The following FGFR1 variants were observed in gnomAD, a reference collection of about 807,000 sequenced individuals.
FGFR1 encodes the protein fibroblast growth factor receptor 1.
Under a neutral mutation model 93.7 loss-of-function variants are expected in FGFR1, and 18 were observed. The ratio of observed to expected loss-of-function variants is 0.19; its 90% CI spans 0.13 to 0.28. FGFR1 has a LOEUF of 0.28. Among genes scored for constraint, FGFR1 ranks in the 10% least tolerant of loss-of-function variants. The probability of loss-of-function intolerance (pLI) is 1.00; values close to 1 mark genes in which losing one functional copy is unlikely to be tolerated. For synonymous variants in FGFR1, 448 were observed against 429.3 expected (o/e 1.04, Z -0.54); for missense variants, 731 against 1,080.4 (o/e 0.68, Z 4.53).
At position 38,429,071 on chromosome 8, in the gene FGFR1, T is replaced by C. The variant is rs1031668110; in HGVS notation, c.358+611A>G. ...TTTCTCCAGTCCTTCCTATCACCTT[T>C]GGGGATCTGCTGCCAAGTCCACACC... On this transcript the variant is annotated intron_variant, in intron 3 of 17. Transcript: ENST00000447712. The surrounding 1 kb of genome is among the most constrained non-coding windows in gnomAD (Gnocchi z 4.4). The C allele has an allele frequency of 3.4e-5, 12 of 352,030 alleles. No individual in the cohort carries two copies. Among genetic ancestry groups the C allele is most frequent in the Non-Finnish European group, 4.5e-5 (8 of 178,216 alleles). The allele number at this position is 352,030 out of a possible 1,614,324, so 21.8% of individuals were successfully genotyped here.
chr8:38,466,906 A>G (rs200481141), intron 1 of FGFR1, among the ~76,000 whole-genome samples: 3 of 93,832 alleles, frequency 3.2e-5, no homozygotes, highest in East Asian at 7.0e-4. Flanking sequence ...CCCCCCCCCC[A>G]CCACCACCAA....
At chr8:38,462,480 G>T (rs1834621190) in intron 1 of FGFR1, among the ~76,000 whole-genome samples, 1 of 151,650 alleles carries the variant, frequency 6.6e-6, no homozygotes, top group African/African-American at 2.4e-5. Context: ...CTCCAGCCTG[G>T]CAACAAAGTG....
chr8:38,414,156 C>T lies in FGFR1; in HGVS notation c.2182G>A (p.Glu728Lys), dbSNP rs759382055. 7 of 1,614,076 alleles carry T rather than the reference C, an allele frequency of 4.3e-6. No individual in the cohort carries two copies. The highest frequency in any genetic ancestry group is 1.3e-5 in the African/African-American group (1 of 74,930). The change falls in exon 16 of 18, where the codon GAG (glutamate) becomes AAG (lysine). Residue 728 changes from glutamate (E) to lysine (K), a missense_variant. Coordinates refer to ENST00000447712, the MANE Select transcript of FGFR1 (RefSeq NM_023110.3). ...RMDKPSNCTNELYMMMRDCWH... is the reference protein window; with the variant it reads ...RMDKPSNCTNKLYMMMRDCWH... Reference sequence around the variant, plus strand: ...CCGACATCTCCTCGGGCTTACAGCTCGTTGGTGCAGTTACTGGGCTTGTCC... The same window carrying T: ...CCGACATCTCCTCGGGCTTACAGCTTGTTGGTGCAGTTACTGGGCTTGTCC...
chr8:38,433,921 C>G (rs1003675955), intron 2 of FGFR1, among the ~76,000 whole-genome samples: 1 of 152,180 alleles, frequency 6.6e-6, no homozygotes, highest in Non-Finnish European at 1.5e-5. Context: ...AGTAGTCACT[C>G]CTCCATCCCC....
chr8:38,422,353 C>A, intron 7 of FGFR1: 1 of 420,132 alleles, frequency 2.4e-6, no homozygotes, highest in Non-Finnish European at 4.5e-6. Context: ...TACACACACG[C>A]ACATGTGCAT....
intron 1 of FGFR1, among the ~76,000 whole-genome samples, chr8:38,467,067 T>C (rs983904079): frequency 6.6e-6 from 1 of 152,012 alleles, no homozygotes; most frequent in Non-Finnish European, 1.5e-5. Context: ...CAGAGGGGTC[T>C]GGGCCAGAGA....
At chr8:38,467,845 G>A (rs1041043630) in intron 1 of FGFR1, 136 bp downstream of exon 1, 2 of 231,464 alleles carry the variant, frequency 8.6e-6, no homozygotes, top group Non-Finnish European at 1.7e-5. Flanking sequence ...AGGTGAAAGG[G>A]GCGGGCGGCG....
At position 38,467,439 on chromosome 8, in the gene FGFR1, G is replaced by T. The variant is rs909711011; in HGVS notation, c.-89+542C>A. Among the ~76,000 whole-genome samples the T allele has an allele frequency of 2.6e-4, 40 of 152,128 alleles. 1 individual carries two copies. Reference sequence around the variant, plus strand: ...AACCCGCACCCCAGGCTTTCCCGGGGGTGGAAAAGGACTTAGGAATGCCCC... The same window carrying T: ...AACCCGCACCCCAGGCTTTCCCGGGTGTGGAAAAGGACTTAGGAATGCCCC... On this transcript the variant is annotated intron_variant, in intron 1 of 17. Coordinates refer to ENST00000447712, the MANE Select transcript of FGFR1 (RefSeq NM_023110.3).
intron 1 of FGFR1, chr8:38,461,142 G>A (rs2151427111): frequency 6.5e-7 from 1 of 1,536,086 alleles, no homozygotes; most frequent in East Asian, 2.4e-5. Flanking sequence ...GGCTGCATGG[G>A]TGAAAGTGCC....
At chr8:38,444,257 G>GCTTCATTC (rs1398691197) in intron 2 of FGFR1, among the ~76,000 whole-genome samples, 2 of 152,096 alleles carry the variant, frequency 1.3e-5, no homozygotes. Context: ...CTTGGACCCA[G>GCTTCATTC]AGACTGCTTC....
chr8:38,456,431 G>T (rs1471594934), intron 2 of FGFR1, among the ~76,000 whole-genome samples: 1 of 152,110 alleles, frequency 6.6e-6, no homozygotes, highest in African/African-American at 2.4e-5. Flanking sequence ...AGGTCTCCAT[G>T]CCCCTTTATG....
chr8:38,425,656 C>T lies in FGFR1; in HGVS notation c.745+466G>A, dbSNP rs73605080. The stretch of plus-strand genomic sequence containing the variant: ...CTCCTGTGATGCCCTGAAGTTGGCA[C>T]AGGTGTGCAGTTCTGCATTAGCAAG... On this transcript the variant is annotated intron_variant, in intron 6 of 17. Coordinates refer to ENST00000447712, the MANE Select transcript of FGFR1 (RefSeq NM_023110.3). Among the ~76,000 whole-genome samples, 408 of 152,346 alleles carry T rather than the reference C, an allele frequency of 2.7e-3. 3 individuals carry two copies. The highest frequency in any genetic ancestry group is 9.2e-3 in the African/African-American group (382 of 41,578).
At chr8:38,464,267 ATAGCG>A (rs1835031597) in intron 1 of FGFR1, among the ~76,000 whole-genome samples, 1 of 146,368 alleles carries the variant, frequency 6.8e-6, no homozygotes, top group African/African-American at 2.5e-5. Context: ...GTGACCTGAG[ATAGCG>A]CCACAGCACT....
At chr8:38,434,455 T>A in intron 2 of FGFR1, 1 of 403,804 alleles carries the variant, frequency 2.5e-6, no homozygotes, top group South Asian at 2.6e-5. Context: ...TGCTTAACAA[T>A]CTCAGAAGGA....
chr8:38,450,308 C>G (rs1487181429), intron 2 of FGFR1, among the ~76,000 whole-genome samples: 1 of 152,148 alleles, frequency 6.6e-6, no homozygotes, highest in Admixed American at 6.5e-5. Flanking sequence ...CTTCCCCGGT[C>G]AACAGGGAAA....
Position 38,468,265 on chromosome 8 carries a change from A to C in FGFR1, c.-373T>G, listed in dbSNP as rs1185947034. On this transcript the variant is annotated 5_prime_UTR_variant, in exon 1 of 18. Coordinates refer to ENST00000447712, the MANE Select transcript of FGFR1 (RefSeq NM_023110.3). ...TCCAGACCTTGTGCCCCCCTCCTCC[A>C]GAACGCAGCGGCGGCGCCTCACTTT... 1 of 228,314 alleles carries C rather than the reference A, an allele frequency of 4.4e-6. No individual in the cohort carries two copies. The highest frequency in any genetic ancestry group is 8.7e-6 in the Non-Finnish European group (1 of 114,886). 14.1% of individuals were successfully genotyped at this position (228,314 alleles called of 1,614,324 possible). A position where few individuals can be genotyped will look rare whatever the true frequency, so the allele number is the denominator to read the frequency against.
chr8:38,413,525 C>A lies in FGFR1; in HGVS notation c.*103G>T, dbSNP rs558531898. On this transcript the variant is annotated 3_prime_UTR_variant, in exon 18 of 18. Coordinates refer to ENST00000447712, the MANE Select transcript of FGFR1 (RefSeq NM_023110.3). This position sits in a 1 kb window ranked among gnomAD's most constrained non-coding sequence, Gnocchi z 4.2. ...CCCCTGGTAGGCAGCCGGCTCCTGC[C>A]AGCAGGAAAGGGGACAGGGACGGAC... 81 of 1,337,406 alleles carry A rather than the reference C, an allele frequency of 6.1e-5. No individual in the cohort carries two copies. In the South Asian group the frequency reaches 6.3e-4, roughly 10 times the overall value. The allele number at this position is 1,337,406 out of a possible 1,614,324, so 82.8% of individuals were successfully genotyped here.
chr8:38,464,239 C>T (rs1398170707), intron 1 of FGFR1, among the ~76,000 whole-genome samples: 6 of 143,592 alleles, frequency 4.2e-5, no homozygotes, highest in South Asian at 2.3e-4. Flanking sequence ...TCGCTTCAAC[C>T]GGAAGGCGGA....
intron 13 of FGFR1, among the ~76,000 whole-genome samples, chr8:38,415,488 G>T (rs1414296789): frequency 6.8e-6 from 1 of 148,020 alleles, no homozygotes; most frequent in Admixed American, 6.8e-5. Flanking sequence ...TTTTTTTAAA[G>T]ACGGGGTTTC....
Sources: allele counts gnomAD v4.1 joint callset (sites outside exome capture counted in the v4.1 genomes callset), GRCh38; gene constraint gnomAD v4.1.1; non-coding constraint Gnocchi (gnomAD v3.1); transcripts MANE v1.5; gene names NCBI Gene and HGNC (gene_info 2026-07-23, HGNC 2026-07-21).